The following DOK6 variants were observed in gnomAD, a reference collection of about 807,000 sequenced individuals.
The protein encoded by DOK6 is downstream of tyrosine kinase 6.
In DOK6, 22 loss-of-function variants were observed where a neutral mutation model predicts 44.0. The observed-to-expected ratio is 0.50, with a 90% CI of 0.36 to 0.71. The LOEUF is 0.71. DOK6 is among the 30% of genes least tolerant of loss of function. DOK6 has a pLI of 0.00. For missense variants in DOK6, 340 were observed against 416.4 expected, an observed-to-expected ratio of 0.82 and a Z score of 1.60; for synonymous variants, 166 against 145.5, an observed-to-expected ratio of 1.14 and a Z score of -1.01.
At chr18:69,783,015 C>T (rs551642913) in intron 7 of DOK6, among the ~76,000 whole-genome samples, 13 of 152,276 alleles carry the variant, frequency 8.5e-5, no homozygotes, top group African/African-American at 3.1e-4. Context: ...CACTGGTGAG[C>T]TTAGTTGGTA....
intron 5 of DOK6, among the ~76,000 whole-genome samples, chr18:69,724,443 G>A (rs1978296358): frequency 6.6e-6 from 1 of 152,162 alleles, no homozygotes; most frequent in Non-Finnish European, 1.5e-5. Context: ...AGATTGCTTT[G>A]ATCCATGATA....
chr18:69,430,242 T>C (rs953935025), intron 1 of DOK6, among the ~76,000 whole-genome samples: 1 of 152,196 alleles, frequency 6.6e-6, no homozygotes, highest in Non-Finnish European at 1.5e-5. Flanking sequence ...CATCCAATTT[T>C]AGAATATTTA....
At chr18:69,423,534 A>G (rs961262884) in intron 1 of DOK6, among the ~76,000 whole-genome samples, 3 of 152,180 alleles carry the variant, frequency 2.0e-5, no homozygotes, top group African/African-American at 7.2e-5. Flanking sequence ...ATTACAAACC[A>G]TGCTTCAACA....
intron 7 of DOK6, among the ~76,000 whole-genome samples, chr18:69,822,692 C>T (rs575478959): frequency 2.6e-5 from 4 of 152,326 alleles, no homozygotes; most frequent in South Asian, 4.1e-4. Context: ...CAGAACAAGG[C>T]AGTCATTGCC....
chr18:69,715,528 C>T (rs564278775), intron 5 of DOK6, among the ~76,000 whole-genome samples: 3 of 152,220 alleles, frequency 2.0e-5, no homozygotes, highest in Non-Finnish European at 2.9e-5. Context: ...CGCGATCTCA[C>T]GCACCCTGTT....
intron 7 of DOK6, among the ~76,000 whole-genome samples, chr18:69,838,099 T>G (rs1599353432): frequency 6.6e-6 from 1 of 151,790 alleles, no homozygotes; most frequent in South Asian, 2.1e-4. Flanking sequence ...TTAAAAAAAG[T>G]GTTAATAAGC....
At chr18:69,789,186 C>A (rs1980520846) in intron 7 of DOK6, among the ~76,000 whole-genome samples, 1 of 152,134 alleles carries the variant, frequency 6.6e-6, no homozygotes, top group South Asian at 2.1e-4. Flanking sequence ...TTCCGAGTTT[C>A]TTCTTCCACA....
chr18:69,646,741 G>A, intron 3 of DOK6, among the ~76,000 whole-genome samples: 1 of 152,026 alleles, frequency 6.6e-6, no homozygotes, highest in East Asian at 1.9e-4. Flanking sequence ...TAGAGACAGG[G>A]TGTTCACGAC....
At chr18:69,500,827 A>C (rs1045778831) in intron 1 of DOK6, among the ~76,000 whole-genome samples, 2 of 152,160 alleles carry the variant, frequency 1.3e-5, no homozygotes, top group East Asian at 3.8e-4. Flanking sequence ...AGTATTTTAG[A>C]GTTTGTGTAA....
intron 3 of DOK6, among the ~76,000 whole-genome samples, chr18:69,599,765 C>A (rs2144622444): frequency 6.6e-6 from 1 of 152,262 alleles, no homozygotes; most frequent in Middle Eastern, 3.4e-3. Context: ...CAATACCTGG[C>A]AGGTGTTGTT....
chr18:69,411,790 C>G (rs1208457355), intron 1 of DOK6, among the ~76,000 whole-genome samples: 6 of 152,200 alleles, frequency 3.9e-5, no homozygotes, highest in Middle Eastern at 3.4e-3. Context: ...TCTGTCCATT[C>G]TTTCTCTTTG....
rs77241241 is a variant in DOK6, at chr18:69,535,370, A to G, written c.67-29117A>G. 2.6e-4 allele frequency among the ~76,000 whole-genome samples: 40 copies of G among 152,134 alleles called. No homozygotes were observed. In the East Asian group the frequency reaches 5.2e-3, roughly 20 times the overall value. ...AGACAGGAAAGCAATTGCTTTCTGC[A>G]TATTCATGTTACGGTTGACTAACTT... On this transcript the variant is annotated intron_variant, in intron 1 of 7. Transcript: ENST00000382713.
intron 1 of DOK6, among the ~76,000 whole-genome samples, chr18:69,499,039 T>C (rs1980976606): frequency 6.6e-6 from 1 of 152,222 alleles, no homozygotes; most frequent in South Asian, 2.1e-4. Context: ...AATAGATTGA[T>C]GTGTTTATTA....
intron 1 of DOK6, among the ~76,000 whole-genome samples, chr18:69,508,887 T>G (rs953372455): frequency 5.3e-5 from 8 of 152,196 alleles, no homozygotes; most frequent in African/African-American, 1.9e-4. Flanking sequence ...TAGGTGCTCT[T>G]TGACCACTGT....
intron 5 of DOK6, among the ~76,000 whole-genome samples, chr18:69,727,126 T>C (rs920319940): frequency 2.0e-5 from 3 of 152,148 alleles, no homozygotes; most frequent in Non-Finnish European, 4.4e-5. Flanking sequence ...CCCAGAGTGC[T>C]TGGTTAACAG....
chr18:69,674,349 A>T (rs1436819973), intron 3 of DOK6, among the ~76,000 whole-genome samples: 1 of 152,224 alleles, frequency 6.6e-6, no homozygotes, highest in Non-Finnish European at 1.5e-5. Flanking sequence ...GACTGATCTT[A>T]TTGAGCCAAA....
chr18:69,562,763 CCAAAAGCAATGGCAA>C (rs1982868818), intron 1 of DOK6, among the ~76,000 whole-genome samples: 2 of 152,202 alleles, frequency 1.3e-5, no homozygotes, highest in Middle Eastern at 3.4e-3. Flanking sequence ...GTCTAAAACA[CCAAAAGCAATGGCAA>C]CAAAAGCCAA....
intron 7 of DOK6, among the ~76,000 whole-genome samples, chr18:69,799,023 G>A (rs1361080969): frequency 6.6e-6 from 1 of 151,818 alleles, no homozygotes; most frequent in Non-Finnish European, 1.5e-5. Flanking sequence ...GCAAGTCACT[G>A]GATTGTAAAC....
intron 1 of DOK6, among the ~76,000 whole-genome samples, chr18:69,430,103 G>A (rs1451148810): frequency 6.6e-6 from 1 of 152,058 alleles, no homozygotes; most frequent in African/African-American, 2.4e-5. Flanking sequence ...AATCTGTAGA[G>A]GGACAATTAT....
Sources: allele counts gnomAD v4.1 joint callset (sites outside exome capture counted in the v4.1 genomes callset), GRCh38; gene constraint gnomAD v4.1.1; transcripts MANE v1.5; gene names NCBI Gene and HGNC (gene_info 2026-07-23, HGNC 2026-07-21).